SYNDIG1: variants seen among roughly 807,000 people sequenced by gnomAD.
The protein encoded by SYNDIG1 is synapse differentiation inducing 1, also known as synapse differentiation-inducing gene protein 1.
Under a neutral mutation model 19.4 loss-of-function variants are expected in SYNDIG1, and 9 were observed. The observed-to-expected ratio is 0.46, with a 90% CI of 0.28 to 0.81. The LOEUF is 0.81. Ranked by LOEUF, SYNDIG1 falls within the 30% of genes least tolerant of loss-of-function variation. The pLI is 0.12. For synonymous variants in SYNDIG1, 141 were observed against 145.9 expected, an observed-to-expected ratio of 0.97 and a Z score of 0.24; for missense variants, 311 against 343.3, an observed-to-expected ratio of 0.91 and a Z score of 0.74.
intron 2 of SYNDIG1, among the ~76,000 whole-genome samples, chr20:24,544,673 G>A (rs1379785295): frequency 6.6e-6 from 1 of 152,118 alleles, no homozygotes; most frequent in Non-Finnish European, 1.5e-5. Context: ...GGTGGGGTAA[G>A]GGAAAGTTTG....
At chr20:24,504,504 G>A (rs2056538558) in intron 1 of SYNDIG1, among the ~76,000 whole-genome samples, 1 of 152,146 alleles carries the variant, frequency 6.6e-6, no homozygotes, top group Non-Finnish European at 1.5e-5. Flanking sequence ...GGCCCTCTCT[G>A]GATGCCACCC....
At chr20:24,472,458 T>C (rs1317257972) in intron 1 of SYNDIG1, among the ~76,000 whole-genome samples, 1 of 152,260 alleles carries the variant, frequency 6.6e-6, no homozygotes, top group Non-Finnish European at 1.5e-5. Flanking sequence ...ATTTTTCTCA[T>C]TAATTTTAAA....
At chr20:24,519,108 C>G (rs187850959) in intron 1 of SYNDIG1, among the ~76,000 whole-genome samples, 1 of 152,338 alleles carries the variant, frequency 6.6e-6, no homozygotes, top group African/African-American at 2.4e-5. Context: ...AGTCAGCACG[C>G]TGATTAACTA....
intron 1 of SYNDIG1, among the ~76,000 whole-genome samples, chr20:24,513,712 T>C (rs1387455244): frequency 6.6e-6 from 1 of 152,126 alleles, no homozygotes; most frequent in Non-Finnish European, 1.5e-5. Flanking sequence ...CAGGATATTA[T>C]CCAGGATAAC....
chr20:24,611,938 C>T (rs1329703977), intron 3 of SYNDIG1, among the ~76,000 whole-genome samples: 1 of 152,232 alleles, frequency 6.6e-6, no homozygotes, highest in Non-Finnish European at 1.5e-5. Context: ...TGCACTGCTT[C>T]CTGTAATTGC....
chr20:24,522,405 C>A lies in SYNDIG1; in HGVS notation c.-78-20615C>A, dbSNP rs181116189. Among the ~76,000 whole-genome samples, 8 of 152,300 alleles carry A rather than the reference C, an allele frequency of 5.3e-5. No homozygotes were observed. The East Asian group carries it at 7.7e-4, about 15-fold the overall frequency. On this transcript the variant is annotated intron_variant, in intron 1 of 3. Transcript: ENST00000376862. ...TGTACCTGGCCGCATCAAGTTATTT[C>A]TTGATCCGTTAGCTTTAAATTCTAC...
intron 2 of SYNDIG1, among the ~76,000 whole-genome samples, chr20:24,571,234 C>G (rs1455762503): frequency 6.6e-6 from 1 of 152,182 alleles, no homozygotes; most frequent in Non-Finnish European, 1.5e-5. Flanking sequence ...GAACTACACA[C>G]TGCAAACACA....
chr20:24,504,726 A>C (rs1270225281), intron 1 of SYNDIG1, among the ~76,000 whole-genome samples: 1 of 152,190 alleles, frequency 6.6e-6, no homozygotes, highest in Non-Finnish European at 1.5e-5. Flanking sequence ...GAGTTGGGAG[A>C]TGTCAGAGTT....
rs980933916 is a variant in SYNDIG1, at chr20:24,666,513, T to C, written c.*1009T>C. On this transcript the variant is annotated 3_prime_UTR_variant, in exon 4 of 4. Coordinates refer to ENST00000376862, the MANE Select transcript of SYNDIG1 (RefSeq NM_024893.3). ...CAGATGAATGCTGAGAAATAAGTAA[T>C]CACAGACATTTTAATACCATTTCAT... 6.5e-6 allele frequency: 1 copy of C among 152,674 alleles called. No individual in the cohort carries two copies. The highest frequency in any genetic ancestry group is 2.4e-5 in the African/African-American group (1 of 41,456). The allele number at this position is 152,674 out of a possible 1,614,324, so 9.5% of individuals were successfully genotyped here. A position where few individuals can be genotyped will look rare whatever the true frequency, so the allele number is the denominator to read the frequency against.
At chr20:24,586,821 G>A (rs541480465) in intron 3 of SYNDIG1, among the ~76,000 whole-genome samples, 4 of 152,238 alleles carry the variant, frequency 2.6e-5, no homozygotes, top group Non-Finnish European at 4.4e-5. Context: ...GGCCAAAGGA[G>A]AGACCAGTCC....
intron 2 of SYNDIG1, among the ~76,000 whole-genome samples, chr20:24,573,705 G>A (rs887460813): frequency 6.6e-6 from 1 of 152,158 alleles, no homozygotes; most frequent in Non-Finnish European, 1.5e-5. Context: ...GTTTGGCAGC[G>A]GTGATGAGGT....
chr20:24,475,058 G>A (rs1456736828), intron 1 of SYNDIG1, among the ~76,000 whole-genome samples: 1 of 152,176 alleles, frequency 6.6e-6, no homozygotes, highest in African/African-American at 2.4e-5. Context: ...TAAATGAAAT[G>A]TTACAGAAAC....
At chr20:24,599,927 G>A (rs1300591858) in intron 3 of SYNDIG1, among the ~76,000 whole-genome samples, 1 of 152,116 alleles carries the variant, frequency 6.6e-6, no homozygotes, top group Non-Finnish European at 1.5e-5. Flanking sequence ...AACAGTGTAG[G>A]GTGACTATAG....
chr20:24,515,780 T>A (rs932959829), intron 1 of SYNDIG1, among the ~76,000 whole-genome samples: 1 of 152,212 alleles, frequency 6.6e-6, no homozygotes, highest in African/African-American at 2.4e-5. Context: ...AATTTATAGA[T>A]TCAATGCCAT....
At chr20:24,483,130 A>G (rs1283487931) in intron 1 of SYNDIG1, among the ~76,000 whole-genome samples, 1 of 152,214 alleles carries the variant, frequency 6.6e-6, no homozygotes, top group East Asian at 1.9e-4. Context: ...GGAAGTGGAA[A>G]GCCTGGAGCC....
At chr20:24,582,119 C>T (rs1309771394) in intron 2 of SYNDIG1, among the ~76,000 whole-genome samples, 2 of 113,578 alleles carry the variant, frequency 1.8e-5, no homozygotes, top group Non-Finnish European at 3.6e-5. Context: ...CATGTACGTC[C>T]TCCCCCTTCA....
At chr20:24,486,422 G>A (rs533428801) in intron 1 of SYNDIG1, among the ~76,000 whole-genome samples, 14 of 152,186 alleles carry the variant, frequency 9.2e-5, no homozygotes, top group Non-Finnish European at 1.6e-4. Context: ...TTAACAATTG[G>A]TTTATACACA....
chr20:24,569,810 G>A (rs902912871), intron 2 of SYNDIG1, among the ~76,000 whole-genome samples: 1 of 152,166 alleles, frequency 6.6e-6, no homozygotes, highest in Non-Finnish European at 1.5e-5. Flanking sequence ...AAGATGAAGC[G>A]ATGGGTGGAT....
chr20:24,664,208 G>A (rs1170444496), intron 3 of SYNDIG1, among the ~76,000 whole-genome samples: 2 of 152,172 alleles, frequency 1.3e-5, no homozygotes, highest in Non-Finnish European at 2.9e-5. Flanking sequence ...GACCATGGAA[G>A]ATGCAGGTTC....
Sources: gnomAD v4.1 joint callset for allele counts (sites outside exome capture counted in the v4.1 genomes callset) on GRCh38, gnomAD v4.1.1 for gene constraint, MANE v1.5 for transcripts, NCBI Gene and HGNC (gene_info 2026-07-23, HGNC 2026-07-21) for gene names.